KLHL23: variants seen among roughly 807,000 people sequenced by gnomAD.
KLHL23 encodes kelch like family member 23.
In KLHL23, 33 loss-of-function variants were observed where a neutral mutation model predicts 48.9. The observed-to-expected ratio is 0.67, with a 90% CI of 0.51 to 0.90. The LOEUF (loss-of-function observed/expected upper bound fraction) is 0.90. KLHL23 is among the 40% of genes least tolerant of loss of function. The pLI is 0.00. For synonymous variants in KLHL23, 234 were observed against 231.6 expected (o/e 1.01, Z -0.09); for missense variants, 608 against 669.6 (o/e 0.91, Z 1.02).
Position 169,749,583 on chromosome 2 carries a change from A to G in KLHL23, c.1528A>G (p.Ile510Val), listed in dbSNP as rs1379555272. 6.2e-7 allele frequency: 1 copy of G among 1,613,880 alleles called. No homozygotes were observed. The highest frequency in any genetic ancestry group is 1.1e-5 in the South Asian group (1 of 91,076). Residue 510 changes from isoleucine to valine, a missense_variant, in exon 4 of 4, where the codon ATT (isoleucine) becomes GTT (valine). Physicochemically the swap from Ile to Val is conservative, Grantham distance 29. This residue lies in a region of KLHL23 where 179 missense variants were observed against 169.9 expected (regional missense o/e 1.05). Coordinates refer to ENST00000392647, the MANE Select transcript of KLHL23 (RefSeq NM_144711.6). Reference sequence around the variant, plus strand: ...CGGTGCCGTCATCATGAATGGATGTATTTATGTCACTGGAGGATACTCCTA... The same window carrying G: ...CGGTGCCGTCATCATGAATGGATGTGTTTATGTCACTGGAGGATACTCCTA... ...ECGAVIMNGC[I>V]YVTGGYSYSK... is the part of the protein sequence containing the mutation.
At chr2:169,745,397 T>C (rs1056869561) in intron 3 of KLHL23, among the ~76,000 whole-genome samples, 4 of 150,720 alleles carry the variant, frequency 2.7e-5, no homozygotes, top group East Asian at 2.0e-4. Flanking sequence ...CCTGTAGTCC[T>C]AGCTACTCGG....
Position 169,750,103 on chromosome 2 carries a change from C to CGTTTGT in KLHL23, c.*371_*372insGTTTGT, listed in dbSNP as rs1449644613. 0.015 allele frequency: 107 copies of CGTTTGT among 7,036 alleles called. 38 individuals carry two copies. Among genetic ancestry groups the CGTTTGT allele is most frequent in the Non-Finnish European group, 0.046 (85 of 1,830 alleles). 0.4% of individuals were successfully genotyped at this position (7,036 alleles called of 1,614,324 possible). ...ATGTATGTATACATATATGTGTATA[C>CGTTTGT]ATATATATGTGTGTATATATATACA... On this transcript the variant is annotated 3_prime_UTR_variant, in exon 4 of 4. Transcript: ENST00000392647.
chr2:169,737,013 G>A (rs1281680301), intron 2 of KLHL23, among the ~76,000 whole-genome samples: 2 of 152,214 alleles, frequency 1.3e-5, no homozygotes, highest in African/African-American at 4.8e-5. Flanking sequence ...ATGACAGGCA[G>A]GAAGCTGAGA....
chr2:169,750,094 ATGTGTATACATATATATG>A lies in KLHL23; in HGVS notation c.*371_*388del, dbSNP rs1394569717. On this transcript the variant is annotated 3_prime_UTR_variant, in exon 4 of 4. Transcript: ENST00000392647. ...TATATACGTATGTATGTATACATATATGTGTATACATATATATGTGTGTATATATATACACATATATAC... is the reference window on the plus strand; with the variant it reads ...TATATACGTATGTATGTATACATATATGTGTATATATATACACATATATAC... The A allele has an allele frequency of 2.3e-4, 31 of 133,018 alleles. 2 individuals are homozygous for A. The highest frequency in any genetic ancestry group is 8.8e-4 in the African/African-American group (30 of 33,958). 8.2% of individuals were successfully genotyped at this position (133,018 alleles called of 1,614,324 possible). A position where few individuals can be genotyped will look rare whatever the true frequency, so the allele number is the denominator to read the frequency against.
chr2:169,735,509 G>T lies in KLHL23; in HGVS notation c.495G>T (p.Lys165Asn), dbSNP rs764142298. 6.2e-7 allele frequency: 1 copy of T among 1,613,958 alleles called. No homozygotes were observed. The highest frequency in any genetic ancestry group is 1.1e-5 in the South Asian group (1 of 91,046). Residue 165 changes from lysine to asparagine, a missense_variant, in exon 2 of 4, where the codon AAG (lysine) becomes AAT (asparagine). Transcript: ENST00000392647. This position sits in a 1 kb window ranked among gnomAD's most constrained non-coding sequence, Gnocchi z 4.5. The stretch of plus-strand genomic sequence containing the variant: ...AATCTCGAAGAATTCTATGTTCAAA[G>T]TTTAAGGAAGTGTGGCAACAAGAAG... ...EKESRRILCS[K>N]FKEVWQQEEF... is the part of the protein sequence containing the mutation.
rs1688907823 is a variant in KLHL23 at position 169,749,959 on chromosome 2, A to ATACATATATG, written c.*228_*229insACATATATGT. On this transcript the variant is annotated 3_prime_UTR_variant, in exon 4 of 4. Coordinates refer to ENST00000392647, the MANE Select transcript of KLHL23 (RefSeq NM_144711.6). ...CACACACATATATGTGTTCATATAT[A>ATACATATATG]TGTATACATATATATGTGTATATAT... is the stretch of plus-strand genomic sequence containing the variant. The ATACATATATG allele has an allele frequency of 3.6e-5, 5 of 137,270 alleles. No homozygotes were observed. The Admixed American group carries it at 5.4e-4, about 15-fold the overall frequency. 8.5% of individuals were successfully genotyped at this position (137,270 alleles called of 1,614,324 possible).
rs762905464 is a variant in KLHL23, at chr2:169,735,745, G to A, written c.731G>A (p.Ser244Asn). The change falls in exon 2 of 4, where the codon AGC becomes AAC. Residue 244 changes from serine to asparagine, a missense_variant. This residue lies in a region of KLHL23 where 419 missense variants were observed against 473.1 expected (regional missense o/e 0.89). Transcript: ENST00000392647. The surrounding 1 kb of genome is among the most constrained non-coding windows in gnomAD (Gnocchi z 4.5). Reference sequence around the variant, plus strand: ...AAAACAGCCTTAGGCCTTCAAAGAAGCTGCCTGCTCACCGAAAATAAGATC... The same window carrying A: ...AAAACAGCCTTAGGCCTTCAAAGAAACTGCCTGCTCACCGAAAATAAGATC... The part of the protein sequence containing the change: ...YLKTALGLQR[S>N]CLLTENKIRS... 3 of 1,614,052 alleles carry A rather than the reference G, an allele frequency of 1.9e-6. No homozygotes were observed. In the South Asian group the frequency reaches 3.3e-5, roughly 18 times the overall value.
chr2:169,747,804 A>G (rs550596188), intron 3 of KLHL23, among the ~76,000 whole-genome samples: 12 of 152,268 alleles, frequency 7.9e-5, no homozygotes, highest in Admixed American at 2.0e-4. Context: ...TGAGCAGGAC[A>G]CAGTTCCTGT....
chr2:169,747,065 C>A (rs1332347712), intron 3 of KLHL23, among the ~76,000 whole-genome samples: 4 of 152,054 alleles, frequency 2.6e-5, no homozygotes, highest in Non-Finnish European at 5.9e-5. Context: ...AAAATGCAAT[C>A]TTCTAAGACT....
intron 2 of KLHL23, 151 bp downstream of exon 2, chr2:169,736,378 C>A: frequency 1.6e-6 from 2 of 1,217,200 alleles, no homozygotes; most frequent in Non-Finnish European, 2.2e-6. Flanking sequence ...CAGATAAAAA[C>A]AGTATAGCAT....
Position 169,749,869 on chromosome 2 carries a change from C to A in KLHL23, c.*137C>A. On this transcript the variant is annotated 3_prime_UTR_variant, in exon 4 of 4. Transcript: ENST00000392647. ...GGATCAGTAAATTGTAATTCCTAAC[C>A]CTACTGTACTCCCAAACATGGTGAT... 1 of 949,402 alleles carries A rather than the reference C, an allele frequency of 1.1e-6. No individual in the cohort carries two copies. Among genetic ancestry groups the A allele is most frequent in the Non-Finnish European group, 1.5e-6 (1 of 677,222 alleles). The allele number at this position is 949,402 out of a possible 1,614,324, so 58.8% of individuals were successfully genotyped here.
At position 169,750,659 on chromosome 2, in the gene KLHL23, C is replaced by G. The variant is rs923787015; in HGVS notation, c.*927C>G. ...TTGTTACTCTCTATTTACTGACTAC[C>G]AGAGATATACAAAATACTGTGCAAA... is the stretch of plus-strand genomic sequence containing the variant. On this transcript the variant is annotated 3_prime_UTR_variant, in exon 4 of 4. Coordinates refer to ENST00000392647, the MANE Select transcript of KLHL23 (RefSeq NM_144711.6). The G allele has an allele frequency of 1.1e-4, 16 of 151,960 alleles. No homozygotes were observed. Among genetic ancestry groups the G allele is most frequent in the Non-Finnish European group, 4.4e-5 (3 of 68,012 alleles). The allele number at this position is 151,960 out of a possible 1,614,324, so 9.4% of individuals were successfully genotyped here. A position where few individuals can be genotyped will look rare whatever the true frequency, so the allele number is the denominator to read the frequency against.
rs72113382 is a variant in KLHL23, at chr2:169,749,913, T to TTATATATATATATA, written c.*186_*199dup. The TTATATATATATATA allele has an allele frequency of 5.2e-4, 113 of 218,850 alleles. No homozygotes were observed. Among genetic ancestry groups the TTATATATATATATA allele is most frequent in the African/African-American group, 2.0e-3 (46 of 22,822 alleles). The allele number at this position is 218,850 out of a possible 1,614,324, so 13.6% of individuals were successfully genotyped here. ...TGGTGATTCATGGTCAAGAAAAATC[T>TTATATATATATATA]TATATATATATATATATACACACAC... On this transcript the variant is annotated 3_prime_UTR_variant, in exon 4 of 4. Transcript: ENST00000392647.
chr2:169,735,696 A>G lies in KLHL23; in HGVS notation c.682A>G (p.Ile228Val), dbSNP rs546754125. ...CTATAATCTACTGAGCTATATCAACATTGATATAGATCCAGTGTACTTAAA... is the reference window on the plus strand; with the variant it reads ...CTATAATCTACTGAGCTATATCAACGTTGATATAGATCCAGTGTACTTAAA... Reference protein sequence around the residue: ...CLYNLLSYINIDIDPVYLKTA... With the variant: ...CLYNLLSYINVDIDPVYLKTA... The change falls in exon 2 of 4, where the codon ATT (isoleucine) becomes GTT (valine). Residue 228 changes from isoleucine (I) to valine (V), a missense_variant. Physicochemically the swap from Ile to Val is conservative, Grantham distance 29. Around this residue, in one of 3 missense-constraint regions of KLHL23, gnomAD observed 419 missense variants for 473.1 expected, o/e 0.89. Coordinates refer to ENST00000392647, the MANE Select transcript of KLHL23 (RefSeq NM_144711.6). The surrounding 1 kb of genome is among the most constrained non-coding windows in gnomAD (Gnocchi z 4.5). 1 of 1,613,880 alleles carries G rather than the reference A, an allele frequency of 6.2e-7. No homozygotes were observed. The highest frequency in any genetic ancestry group is 8.5e-7 in the Non-Finnish European group (1 of 1,180,030).
At chr2:169,736,764 G>T (rs1047993413) in intron 2 of KLHL23, among the ~76,000 whole-genome samples, 1 of 152,188 alleles carries the variant, frequency 6.6e-6, no homozygotes, top group Admixed American at 6.5e-5. Context: ...TGTGTTTGGC[G>T]ATTTGTTTGC....
At position 169,751,437 on chromosome 2, in the gene KLHL23, T is replaced by G. The variant is rs1475506328; in HGVS notation, c.*1705T>G. ...ACCCTTTGGAAACACAATATGGTACTACATAGCAAGGGCTGTAAAAATGAC... is the reference window on the plus strand; with the variant it reads ...ACCCTTTGGAAACACAATATGGTACGACATAGCAAGGGCTGTAAAAATGAC... On this transcript the variant is annotated 3_prime_UTR_variant, in exon 4 of 4. Transcript: ENST00000392647. The G allele has an allele frequency of 6.6e-6, 1 of 152,272 alleles. No individual in the cohort carries two copies. The highest frequency in any genetic ancestry group is 1.5e-5 in the Non-Finnish European group (1 of 68,048). The allele number at this position is 152,272 out of a possible 1,614,324, so 9.4% of individuals were successfully genotyped here. A position where few individuals can be genotyped will look rare whatever the true frequency, so the allele number is the denominator to read the frequency against.
chr2:169,749,530 C>T lies in KLHL23; in HGVS notation c.1475C>T (p.Ala492Val), dbSNP rs377431647. 1 of 1,613,912 alleles carries T rather than the reference C, an allele frequency of 6.2e-7. No individual in the cohort carries two copies. Among genetic ancestry groups the T allele is most frequent in the Admixed American group, 1.7e-5 (1 of 59,988 alleles). ...GAACAAAATGAATGGAGAGAGATAGCTCCCATGATGGAAAGGAGGATGGAG... is the reference window on the plus strand; with the variant it reads ...GAACAAAATGAATGGAGAGAGATAGTTCCCATGATGGAAAGGAGGATGGAG... ...DPEQNEWREIAPMMERRMECG... is the reference protein window; with the variant it reads ...DPEQNEWREIVPMMERRMECG... The change falls in exon 4 of 4, where the codon GCT (alanine) becomes GTT (valine). Residue 492 changes from alanine (A) to valine (V), a missense_variant. By Grantham distance (64) the Ala-to-Val change is moderately conservative (BLOSUM62 0). Coordinates refer to ENST00000392647, the MANE Select transcript of KLHL23 (RefSeq NM_144711.6).
chr2:169,746,370 A>G (rs1688794259), intron 3 of KLHL23, among the ~76,000 whole-genome samples: 1 of 152,242 alleles, frequency 6.6e-6, no homozygotes, highest in Non-Finnish European at 1.5e-5. Context: ...CTGTTTGTTC[A>G]TATCACTCAT....
chr2:169,748,771 G>GGCCC (rs1688866941), intron 3 of KLHL23, among the ~76,000 whole-genome samples: 1 of 110,264 alleles, frequency 9.1e-6, no homozygotes, highest in Non-Finnish European at 2.1e-5. Flanking sequence ...GAGGAGGACC[G>GGCCC]CCCCCCCCCC....
Sources: allele counts gnomAD v4.1 joint callset (sites outside exome capture counted in the v4.1 genomes callset), GRCh38; gene constraint gnomAD v4.1.1; regional missense constraint gnomAD v4.1.1; non-coding constraint Gnocchi (gnomAD v3.1); transcripts MANE v1.5; gene names NCBI Gene and HGNC (gene_info 2026-07-23, HGNC 2026-07-21).